PGR: variants seen among roughly 807,000 people sequenced by gnomAD.
The protein encoded by PGR is progesterone receptor.
In PGR, 25 loss-of-function variants were observed where a neutral mutation model predicts 76.1. The observed-to-expected ratio is 0.33, with a 90% CI of 0.24 to 0.46. PGR has a LOEUF of 0.46. PGR is among the 20% of genes least tolerant of loss of function. PGR has a pLI of 1.00. For synonymous variants in PGR, 579 were observed against 535.0 expected, an observed-to-expected ratio of 1.08 and a Z score of -1.14; for missense variants, 1,172 against 1,225.3, an observed-to-expected ratio of 0.96 and a Z score of 0.65.
At chr11:101,072,250 TA>T (rs1275029929) in intron 3 of PGR, among the ~76,000 whole-genome samples, 1 of 151,990 alleles carries the variant, frequency 6.6e-6, no homozygotes, top group Non-Finnish European at 1.5e-5. Flanking sequence ...AAAGGAGAAA[TA>T]AACTCCTTTA....
At chr11:101,113,957 C>A (rs908276462) in intron 2 of PGR, among the ~76,000 whole-genome samples, 2 of 152,134 alleles carry the variant, frequency 1.3e-5, no homozygotes, top group South Asian at 2.1e-4. Flanking sequence ...TCCGCCCCCC[C>A]ATCCAAAGTG....
Position 101,126,062 on chromosome 11 carries a change from A to G in PGR, c.1734T>C (p.His578=), listed in dbSNP as rs1008740166. ...LICGDEASGC[H]YGVLTCGSCK... is the part of the protein sequence containing the mutation. ...AGCTCCCACAGGTAAGGACACCATA[A>G]TGACAGCCTGATGCTTCATCCCCAC... Residue 578 remains histidine, a synonymous_variant, in exon 2 of 8, where the codon CAT becomes CAC. Transcript: ENST00000325455. The G allele has an allele frequency of 4.3e-6, 7 of 1,614,078 alleles. No individual in the cohort carries two copies. The highest frequency in any genetic ancestry group is 5.9e-6 in the Non-Finnish European group (7 of 1,179,950).
intron 3 of PGR, among the ~76,000 whole-genome samples, chr11:101,065,016 C>T (rs914726508): frequency 6.6e-6 from 1 of 152,208 alleles, no homozygotes; most frequent in Non-Finnish European, 1.5e-5. Context: ...GCTATACCAT[C>T]TAAGTCTGCG....
intron 3 of PGR, among the ~76,000 whole-genome samples, chr11:101,090,812 T>C (rs541103346): frequency 6.6e-6 from 1 of 152,300 alleles, no homozygotes; most frequent in African/African-American, 2.4e-5. Context: ...ACCTGGGTGA[T>C]TAATTTTGGT....
chr11:101,038,933 C>T lies in PGR; in HGVS notation c.*183G>A. ...TGGGTAAACAAAACAGTTAAACATT[C>T]TAATTATACTTTATAAAAGAAAATA... On this transcript the variant is annotated 3_prime_UTR_variant, in exon 8 of 8. Transcript: ENST00000325455. 1.9e-6 allele frequency: 1 copy of T among 518,406 alleles called. No individual in the cohort carries two copies. The highest frequency in any genetic ancestry group is 3.4e-6 in the Non-Finnish European group (1 of 294,026). The allele number at this position is 518,406 out of a possible 1,614,324, so 32.1% of individuals were successfully genotyped here. A position where few individuals can be genotyped will look rare whatever the true frequency, so the allele number is the denominator to read the frequency against.
At position 101,035,385 on chromosome 11, in the gene PGR, G is replaced by A. The variant is rs1859475402; in HGVS notation, c.*3731C>T. ...GAGAGAAACTGCTCAGGTATTCACAGCAAAAACTAAAAATGTAATAGCCAT... is the reference window on the plus strand; with the variant it reads ...GAGAGAAACTGCTCAGGTATTCACAACAAAAACTAAAAATGTAATAGCCAT... On this transcript the variant is annotated 3_prime_UTR_variant, in exon 8 of 8. Transcript: ENST00000325455. 8.7e-6 allele frequency: 2 copies of A among 230,732 alleles called. No homozygotes were observed. The highest frequency in any genetic ancestry group is 1.1e-4 in the Admixed American group (2 of 17,710). The allele number at this position is 230,732 out of a possible 1,614,324, so 14.3% of individuals were successfully genotyped here.
intron 3 of PGR, among the ~76,000 whole-genome samples, chr11:101,069,602 G>C (rs929139369): frequency 1.2e-4 from 18 of 152,142 alleles, no homozygotes; most frequent in Non-Finnish European, 2.5e-4. Context: ...AAGACTTGGA[G>C]CCAACCCAAA....
intron 2 of PGR, among the ~76,000 whole-genome samples, chr11:101,122,317 G>T (rs1394548062): frequency 1.3e-5 from 2 of 152,154 alleles, no homozygotes; most frequent in Non-Finnish European, 2.9e-5. Flanking sequence ...ACTGAGTAAA[G>T]CATCCAAAAA....
chr11:101,125,211 T>A (rs936881440), intron 2 of PGR, among the ~76,000 whole-genome samples: 4 of 152,170 alleles, frequency 2.6e-5, no homozygotes, highest in African/African-American at 9.6e-5. Context: ...TGTAAAGATG[T>A]TTGGCTGCTT....
intron 3 of PGR, among the ~76,000 whole-genome samples, chr11:101,085,747 A>G (rs997709968): frequency 1.3e-5 from 2 of 152,256 alleles, no homozygotes; most frequent in Non-Finnish European, 2.9e-5. Flanking sequence ...AAACACAAAC[A>G]GAAATGACAA....
Position 101,045,293 on chromosome 11 carries a change from T to C in PGR, c.2489-3191A>G, listed in dbSNP as rs141334297. 3.1e-3 allele frequency among the ~76,000 whole-genome samples: 477 copies of C among 152,292 alleles called. 4 individuals carry two copies. Among genetic ancestry groups the C allele is most frequent in the African/African-American group, 0.01 (432 of 41,568 alleles). The stretch of plus-strand genomic sequence containing the variant: ...TAACTCTAGTATGTACATCTATATG[T>C]ATATCTAGAACCTCTTTTTATTAAA... On this transcript the variant is annotated intron_variant, in intron 6 of 7. Coordinates refer to ENST00000325455, the MANE Select transcript of PGR (RefSeq NM_000926.4).
At chr11:101,057,836 T>G (rs1860348416) in intron 4 of PGR, among the ~76,000 whole-genome samples, 1 of 152,164 alleles carries the variant, frequency 6.6e-6, no homozygotes, top group Non-Finnish European at 1.5e-5. Flanking sequence ...GACTTAGAAG[T>G]CATCTGGGTG....
chr11:101,098,199 A>G (rs1248659963), intron 2 of PGR, among the ~76,000 whole-genome samples: 1 of 152,136 alleles, frequency 6.6e-6, no homozygotes, highest in Non-Finnish European at 1.5e-5. Context: ...ACTTTAAAGG[A>G]AATAAAATAT....
intron 2 of PGR, among the ~76,000 whole-genome samples, chr11:101,125,575 G>A (rs11571159): frequency 0.15 from 22,897 of 152,098 alleles, 1,880 homozygotes; most frequent in African/African-American, 0.21. Flanking sequence ...ATATATGTTC[G>A]TGTATGTACA....
At position 101,037,689 on chromosome 11, in the gene PGR, G is replaced by T. The variant is rs905602664; in HGVS notation, c.*1427C>A. 4.4e-6 allele frequency: 1 copy of T among 226,052 alleles called. No individual in the cohort carries two copies. The highest frequency in any genetic ancestry group is 8.8e-6 in the Non-Finnish European group (1 of 113,552). The allele number at this position is 226,052 out of a possible 1,614,324, so 14.0% of individuals were successfully genotyped here. On this transcript the variant is annotated 3_prime_UTR_variant, in exon 8 of 8. Transcript: ENST00000325455. ...TCTCACAAAGTAGGAAGCAAAGGTG[G>T]AAAATTTAAAAGTAATGAAGATAAT...
rs1212568882 is a variant in PGR at position 101,085,525 on chromosome 11, T to TAAAAAAAAA, written c.1906+6226_1906+6234dup. Among the ~76,000 whole-genome samples, 184 of 42,304 alleles carry TAAAAAAAAA rather than the reference T, an allele frequency of 4.3e-3. 1 individual carries two copies. Among genetic ancestry groups the TAAAAAAAAA allele is most frequent in the African/African-American group, 5.0e-3 (44 of 8,850 alleles). 27.8% of individuals were successfully genotyped at this position (42,304 alleles called of 152,430 possible). On this transcript the variant is annotated intron_variant, in intron 3 of 7. Coordinates refer to ENST00000325455, the MANE Select transcript of PGR (RefSeq NM_000926.4). The stretch of plus-strand genomic sequence containing the variant: ...GACCTAACATCACACCTAGAGGAAC[T>TAAAAAAAAA]AAAAAAAAAAAAAAAAAAAAAAAAA...
At position 101,066,355 on chromosome 11, in the gene PGR, A is replaced by G. The variant is rs149492934; in HGVS notation, c.1907-3603T>C. On this transcript the variant is annotated intron_variant, in intron 3 of 7. Transcript: ENST00000325455. ...GCTCTTATTCATTTGGCTTCCACAT[A>G]TTTCATTCTTGTAGTCACTCTTTCA... 5.9e-3 allele frequency among the ~76,000 whole-genome samples: 891 copies of G among 152,176 alleles called. 6 individuals carry two copies. The highest frequency in any genetic ancestry group is 0.01 in the Non-Finnish European group (711 of 67,990).
Position 101,051,551 on chromosome 11 carries a change from T to C in PGR, c.2230A>G (p.Ile744Val). ...TGAATGAGAGTTATCTGGTCATCAATATGTAAGTTTCGAAAACCTACAAAA... is the reference window on the plus strand; with the variant it reads ...TGAATGAGAGTTATCTGGTCATCAACATGTAAGTTTCGAAAACCTACAAAA... Reference protein sequence around the residue: ...KSLPGFRNLHIDDQITLIQYS... With the variant: ...KSLPGFRNLHVDDQITLIQYS... Residue 744 changes from isoleucine (I) to valine (V), a missense_variant, in exon 5 of 8, where the codon ATT (isoleucine) becomes GTT (valine). Physicochemically the swap from Ile to Val is conservative, Grantham distance 29. Around this residue, in one of 4 missense-constraint regions of PGR, gnomAD observed 166 missense variants for 296.0 expected, o/e 0.56. Coordinates refer to ENST00000325455, the MANE Select transcript of PGR (RefSeq NM_000926.4). 5 of 1,608,768 alleles carry C rather than the reference T, an allele frequency of 3.1e-6. No individual in the cohort carries two copies. The highest frequency in any genetic ancestry group is 1.3e-5 in the African/African-American group (1 of 74,890).
At chr11:101,065,576 C>T (rs1860681875) in intron 3 of PGR, among the ~76,000 whole-genome samples, 2 of 152,124 alleles carry the variant, frequency 1.3e-5, no homozygotes. Flanking sequence ...ACTCTGAATT[C>T]AGTGACAGTT....
Sources: gnomAD v4.1 joint callset for allele counts (sites outside exome capture counted in the v4.1 genomes callset) on GRCh38, gnomAD v4.1.1 for gene constraint, gnomAD v4.1.1 regional missense constraint, MANE v1.5 for transcripts, NCBI Gene and HGNC (gene_info 2026-07-23, HGNC 2026-07-21) for gene names.